NEGR1: variants seen among roughly 807,000 people sequenced by gnomAD.
NEGR1 encodes the protein IgLON family member 4.
Under a neutral mutation model 40.9 loss-of-function variants are expected in NEGR1, and 10 were observed. The observed-to-expected ratio is 0.24, with a 90% CI of 0.15 to 0.42. The LOEUF (loss-of-function observed/expected upper bound fraction) is 0.42, where lower values mean the gene tolerates loss of function less well. NEGR1 is among the 10% of genes least tolerant of loss of function. NEGR1 has a pLI of 1.00. For synonymous variants in NEGR1, 185 were observed against 166.8 expected (o/e 1.11, Z -0.84); for missense variants, 352 against 438.9 (o/e 0.80, Z 1.77).
At chr1:71,768,382 T>C (rs1044967989) in intron 3 of NEGR1, among the ~76,000 whole-genome samples, 9 of 152,088 alleles carry the variant, frequency 5.9e-5, no homozygotes, top group Non-Finnish European at 1.2e-4. Context: ...TTTTGAAGTT[T>C]TGAGATTTAA....
chr1:72,217,401 T>C (rs1653858855), intron 1 of NEGR1, among the ~76,000 whole-genome samples: 1 of 151,882 alleles, frequency 6.6e-6, no homozygotes, highest in Admixed American at 6.6e-5. Context: ...ATCAACCTTT[T>C]AATCTTGAGT....
chr1:71,688,338 A>AT (rs1221358135), intron 4 of NEGR1, among the ~76,000 whole-genome samples: 5 of 91,742 alleles, frequency 5.5e-5, no homozygotes, highest in African/African-American at 1.2e-4. Flanking sequence ...AGATAGATAG[A>AT]TAGATAGATA....
intron 1 of NEGR1, among the ~76,000 whole-genome samples, chr1:71,966,125 A>C (rs965118890): frequency 3.3e-5 from 5 of 152,192 alleles, no homozygotes; most frequent in Non-Finnish European, 7.4e-5. Context: ...TCTAGGCATA[A>C]TGTTACAAGT....
At chr1:71,722,361 A>G (rs750495887) in intron 3 of NEGR1, among the ~76,000 whole-genome samples, 3 of 152,102 alleles carry the variant, frequency 2.0e-5, no homozygotes, top group Non-Finnish European at 4.4e-5. Flanking sequence ...TTATTAATTT[A>G]ATTTATCCAC....
chr1:72,169,909 C>T (rs935719196), intron 1 of NEGR1, among the ~76,000 whole-genome samples: 3 of 152,122 alleles, frequency 2.0e-5, no homozygotes, highest in African/African-American at 4.8e-5. Flanking sequence ...AGTAAGATAT[C>T]GCTTGAAACC....
intron 6 of NEGR1, among the ~76,000 whole-genome samples, chr1:71,436,205 T>C (rs1300144974): frequency 2.1e-5 from 3 of 146,000 alleles, no homozygotes; most frequent in African/African-American, 2.6e-5. Context: ...ATCAAGGAAA[T>C]AATGAAAGAG....
At chr1:72,247,475 T>C (rs1355135758) in intron 1 of NEGR1, among the ~76,000 whole-genome samples, 1 of 152,180 alleles carries the variant, frequency 6.6e-6, no homozygotes, top group Non-Finnish European at 1.5e-5. Context: ...CTTTAAATCA[T>C]CACTCTGACC....
chr1:71,960,004 A>G (rs1408188386), intron 1 of NEGR1, among the ~76,000 whole-genome samples: 1 of 152,156 alleles, frequency 6.6e-6, no homozygotes, highest in Non-Finnish European at 1.5e-5. Context: ...AATGATAACA[A>G]ATTTACAAAG....
chr1:72,260,689 T>G, intron 1 of NEGR1, among the ~76,000 whole-genome samples: 1 of 152,080 alleles, frequency 6.6e-6, no homozygotes, highest in East Asian at 1.9e-4. Context: ...AAATACAAAT[T>G]TTCTAAATAG....
intron 1 of NEGR1, among the ~76,000 whole-genome samples, chr1:72,271,942 G>A (rs1391775440): frequency 6.6e-6 from 1 of 151,724 alleles, no homozygotes; most frequent in Non-Finnish European, 1.5e-5. Flanking sequence ...TTTGCCTCCT[G>A]CCATGATTCT....
chr1:71,687,833 G>C (rs1303225448), intron 4 of NEGR1, among the ~76,000 whole-genome samples: 1 of 152,174 alleles, frequency 6.6e-6, no homozygotes, highest in Non-Finnish European at 1.5e-5. Context: ...AAGCAGGCTA[G>C]TATAGTGAAA....
chr1:72,008,180 C>G (rs1302631945), intron 1 of NEGR1, among the ~76,000 whole-genome samples: 1 of 151,962 alleles, frequency 6.6e-6, no homozygotes, highest in South Asian at 2.1e-4. Flanking sequence ...TTACTATGCA[C>G]ATTTTAGAGA....
chr1:71,905,972 C>G (rs1661263711), intron 2 of NEGR1, among the ~76,000 whole-genome samples: 1 of 151,952 alleles, frequency 6.6e-6, no homozygotes. Context: ...GCTTAGCCAA[C>G]CAGAAACTGC....
chr1:72,167,531 A>G (rs888648790), intron 1 of NEGR1, among the ~76,000 whole-genome samples: 2 of 152,266 alleles, frequency 1.3e-5, no homozygotes, highest in African/African-American at 4.8e-5. Flanking sequence ...ACATATGAGT[A>G]CTTGTACAAA....
chr1:71,517,601 C>T (rs1011021621), intron 6 of NEGR1, among the ~76,000 whole-genome samples: 2 of 144,972 alleles, frequency 1.4e-5, no homozygotes, highest in African/African-American at 5.4e-5. Context: ...CTATCTATGA[C>T]AAACCCACAG....
At chr1:71,870,965 T>G (rs891631773) in intron 2 of NEGR1, among the ~76,000 whole-genome samples, 2 of 152,202 alleles carry the variant, frequency 1.3e-5, no homozygotes, top group African/African-American at 2.4e-5. Flanking sequence ...GAATACTTTC[T>G]TTGTAAGAAT....
At chr1:72,192,230 C>T (rs1652844268) in intron 1 of NEGR1, among the ~76,000 whole-genome samples, 2 of 151,690 alleles carry the variant, frequency 1.3e-5, no homozygotes, top group African/African-American at 4.8e-5. Flanking sequence ...TCATGTGCGA[C>T]AAGATGTATT....
intron 5 of NEGR1, among the ~76,000 whole-genome samples, chr1:71,604,538 G>A (rs1292763809): frequency 6.6e-6 from 1 of 152,026 alleles, no homozygotes; most frequent in Non-Finnish European, 1.5e-5. Flanking sequence ...AAGAGGAGAG[G>A]AATGGTCATT....
intron 2 of NEGR1, among the ~76,000 whole-genome samples, chr1:71,918,511 A>C (rs891537297): frequency 2.0e-5 from 3 of 152,092 alleles, no homozygotes; most frequent in African/African-American, 7.2e-5. Context: ...TCATTAGCTA[A>C]ATAAATAACT....
Sources: gnomAD v4.1 joint callset for allele counts (sites outside exome capture counted in the v4.1 genomes callset) on GRCh38, gnomAD v4.1.1 for gene constraint, MANE v1.5 for transcripts, NCBI Gene and HGNC (gene_info 2026-07-23, HGNC 2026-07-21) for gene names.